MARCHF8: variants seen among roughly 807,000 people sequenced by gnomAD.
The protein encoded by MARCHF8 is E3 ubiquitin-protein ligase MARCHF8.
MARCHF8 carries 40 observed loss-of-function variants against 51.6 expected under a neutral mutation model. That is an observed-to-expected ratio of 0.77 (90% CI 0.60 to 1.01). The LOEUF (loss-of-function observed/expected upper bound fraction) is 1.01. Among genes scored for constraint, MARCHF8 ranks in the 50% least tolerant of loss-of-function variants. The pLI is 0.00. For synonymous variants in MARCHF8, 263 were observed against 280.3 expected, an observed-to-expected ratio of 0.94 and a Z score of 0.62; for missense variants, 685 against 708.6, an observed-to-expected ratio of 0.97 and a Z score of 0.38.
At position 45,559,496 on chromosome 10, in the gene MARCHF8, C is replaced by T. The variant is rs115473251; in HGVS notation, c.-78-26207G>A. On this transcript the variant is annotated intron_variant, in intron 1 of 6. Transcript: ENST00000319836. Reference sequence around the variant, plus strand: ...CCTGCCTCAGCCTCAGCTGAGATTACGGGCATGCGCCACCACGCCCAGCTA... The same window carrying T: ...CCTGCCTCAGCCTCAGCTGAGATTATGGGCATGCGCCACCACGCCCAGCTA... Among the ~76,000 whole-genome samples the T allele has an allele frequency of 6.7e-3, 1,027 of 152,304 alleles. 9 individuals carry two copies. Among genetic ancestry groups the T allele is most frequent in the African/African-American group, 0.024 (977 of 41,574 alleles).
chr10:45,555,632 T>G (rs1336066152), intron 1 of MARCHF8, among the ~76,000 whole-genome samples: 1 of 151,274 alleles, frequency 6.6e-6, no homozygotes, highest in East Asian at 1.9e-4. Context: ...TGGTCCCAGC[T>G]ACTTGGGAGG....
At chr10:45,470,413 CGGTATCAA>C (rs1843134483) in intron 3 of MARCHF8, among the ~76,000 whole-genome samples, 1 of 152,116 alleles carries the variant, frequency 6.6e-6, no homozygotes, top group African/African-American at 2.4e-5. Flanking sequence ...AGCCCACTTG[CGGTATCAA>C]TCTCTCTGAC....
chr10:45,534,130 CCAAGATCGCACCA>C (rs1185557931), intron 1 of MARCHF8, among the ~76,000 whole-genome samples: 2 of 152,042 alleles, frequency 1.3e-5, no homozygotes, highest in African/African-American at 2.4e-5. Context: ...TCGCAGTGAG[CCAAGATCGCACCA>C]CTGCACTCCA....
intron 2 of MARCHF8, among the ~76,000 whole-genome samples, chr10:45,491,642 C>T (rs1463070129): frequency 6.6e-6 from 1 of 152,222 alleles, no homozygotes; most frequent in African/African-American, 2.4e-5. Context: ...GTCCAGAGAA[C>T]AAGTAATCTG....
intron 1 of MARCHF8, among the ~76,000 whole-genome samples, chr10:45,548,287 T>C (rs1167390425): frequency 6.6e-6 from 1 of 152,096 alleles, no homozygotes; most frequent in Admixed American, 6.6e-5. Flanking sequence ...TGTATGCAAT[T>C]TAGAATCCCC....
At chr10:45,583,276 A>G (rs2044575694) in intron 1 of MARCHF8, among the ~76,000 whole-genome samples, 1 of 152,182 alleles carries the variant, frequency 6.6e-6, no homozygotes, top group African/African-American at 2.4e-5. Context: ...AAACACCATT[A>G]GTGGGAGTAC....
intron 1 of MARCHF8, among the ~76,000 whole-genome samples, chr10:45,552,394 T>A (rs984311485): frequency 6.6e-6 from 1 of 151,610 alleles, no homozygotes; most frequent in African/African-American, 2.4e-5. Flanking sequence ...CTAGAAAACA[T>A]CTTTTAGTGA....
intron 1 of MARCHF8, among the ~76,000 whole-genome samples, chr10:45,590,270 C>G (rs1049469143): frequency 3.9e-5 from 6 of 152,292 alleles, no homozygotes; most frequent in Middle Eastern, 3.4e-3. Flanking sequence ...ATCTGAAGAA[C>G]TGCCTATTCA....
intron 2 of MARCHF8, among the ~76,000 whole-genome samples, chr10:45,508,862 T>C (rs1437669375): frequency 6.6e-6 from 1 of 152,244 alleles, no homozygotes. Context: ...TATCTTGTTT[T>C]GCATGTCACA....
intron 2 of MARCHF8, among the ~76,000 whole-genome samples, chr10:45,490,731 T>C (rs2043065935): frequency 1.3e-5 from 2 of 152,186 alleles, no homozygotes; most frequent in South Asian, 2.1e-4. Flanking sequence ...ACAAAAACTA[T>C]TGCCTAAGGA....
intron 2 of MARCHF8, among the ~76,000 whole-genome samples, chr10:45,511,487 C>T (rs1448924727): frequency 3.9e-5 from 6 of 152,118 alleles, no homozygotes; most frequent in African/African-American, 7.2e-5. Context: ...GCTGCCATCT[C>T]GGCTCACTGC....
intron 1 of MARCHF8, among the ~76,000 whole-genome samples, chr10:45,576,671 T>C (rs990095042): frequency 3.3e-5 from 5 of 151,564 alleles, no homozygotes; most frequent in Non-Finnish European, 5.9e-5. Flanking sequence ...CCTGTAATCC[T>C]AGCACTCTGG....
chr10:45,491,271 T>A (rs966321642), intron 2 of MARCHF8, among the ~76,000 whole-genome samples: 9 of 152,122 alleles, frequency 5.9e-5, no homozygotes, highest in African/African-American at 1.7e-4. Context: ...CCAAAGAATG[T>A]TTCTAAAAGA....
chr10:45,515,919 G>A (rs1419786545), intron 2 of MARCHF8, among the ~76,000 whole-genome samples: 2 of 152,112 alleles, frequency 1.3e-5, no homozygotes, highest in African/African-American at 4.8e-5. Context: ...CTTCTCCCAG[G>A]GATATCCTTT....
At position 45,457,195 on chromosome 10, in the gene MARCHF8, A is replaced by T. The variant is rs571896094; in HGVS notation, c.*1044T>A. On this transcript the variant is annotated 3_prime_UTR_variant, in exon 8 of 8. Transcript: ENST00000453424. ...CTCTTTCAATGTGAAGCCAACACCA[A>T]CTGGAGAGATTTAACTATAAAGGAA... 6.6e-6 allele frequency: 1 copy of T among 152,366 alleles called. No individual in the cohort carries two copies. The highest frequency in any genetic ancestry group is 2.4e-5 in the African/African-American group (1 of 41,584). The allele number at this position is 152,366 out of a possible 1,614,324, so 9.4% of individuals were successfully genotyped here.
chr10:45,458,662 A>G lies in MARCHF8; in HGVS notation c.1418-119T>C, dbSNP rs1287088179. ...TGTTGTTGTTGTTGTTTTTTAAGAGATGGAGTCTTGCTATGTTGCCCAGGC... is the reference window on the plus strand; with the variant it reads ...TGTTGTTGTTGTTGTTTTTTAAGAGGTGGAGTCTTGCTATGTTGCCCAGGC... On this transcript the variant is annotated intron_variant, in intron 7 of 7. Transcript: ENST00000453424. 3 of 1,116,030 alleles carry G rather than the reference A, an allele frequency of 2.7e-6. No homozygotes were observed. In the African/African-American group the frequency reaches 4.7e-5, roughly 18 times the overall value. The allele number at this position is 1,116,030 out of a possible 1,614,324, so 69.1% of individuals were successfully genotyped here. A position where few individuals can be genotyped will look rare whatever the true frequency, so the allele number is the denominator to read the frequency against.
intron 7 of MARCHF8, 92 bp downstream of exon 7, chr10:45,459,028 C>T (rs1842700244): frequency 6.5e-6 from 10 of 1,532,024 alleles, no homozygotes; most frequent in African/African-American, 1.4e-5. Flanking sequence ...GAAACCCAGA[C>T]GTTTTTGGCT....
At chr10:45,587,466 T>C (rs1464331208) in intron 1 of MARCHF8, among the ~76,000 whole-genome samples, 1 of 152,210 alleles carries the variant, frequency 6.6e-6, no homozygotes, top group Non-Finnish European at 1.5e-5. Flanking sequence ...CATGTTCATG[T>C]ATTGAAAGGT....
intron 1 of MARCHF8, among the ~76,000 whole-genome samples, chr10:45,552,309 T>TAAA (rs35314230): frequency 2.8e-5 from 4 of 141,946 alleles, no homozygotes; most frequent in Admixed American, 7.1e-5. Flanking sequence ...TGGTAGAATT[T>TAAA]AAAAAAAAAA....
Sources: gnomAD v4.1 joint callset for allele counts (sites outside exome capture counted in the v4.1 genomes callset) on GRCh38, gnomAD v4.1.1 for gene constraint, MANE v1.5 for transcripts, NCBI Gene and HGNC (gene_info 2026-07-23, HGNC 2026-07-21) for gene names.